Variants in PAPSS1 observed in about 807,000 individuals in gnomAD.
PAPSS1 encodes the protein 3'-phosphoadenosine 5'-phosphosulfate synthase 1, also known as bifunctional 3'-phosphoadenosine 5'-phosphosulfate synthase 1.
A neutral mutation model predicts 72.0 loss-of-function variants in PAPSS1; 50 were observed. The ratio of observed to expected loss-of-function variants is 0.69; its 90% CI spans 0.55 to 0.88. The LOEUF (loss-of-function observed/expected upper bound fraction) is 0.88. PAPSS1 is among the 40% of genes least tolerant of loss of function. The pLI, the probability that PAPSS1 is intolerant of heterozygous loss-of-function variation, is 0.00. For missense variants in PAPSS1, 657 were observed against 782.2 expected (o/e 0.84, Z 1.91); for synonymous variants, 261 against 263.6 (o/e 0.99, Z 0.09).
intron 7 of PAPSS1, 57 bp downstream of exon 7, chr4:107,656,838 TG>T (rs1005863418): frequency 2.3e-5 from 28 of 1,197,972 alleles, no homozygotes; most frequent in Non-Finnish European, 3.5e-5. Flanking sequence ...GACAAATCTC[TG>T]CAACTATGTA....
intron 10 of PAPSS1, among the ~76,000 whole-genome samples, chr4:107,644,195 C>T (rs1473362694): frequency 6.6e-6 from 1 of 152,188 alleles, no homozygotes; most frequent in Non-Finnish European, 1.5e-5. Context: ...GGACACACTA[C>T]TCCAAAATAT....
chr4:107,680,013 A>G (rs1313197203), intron 5 of PAPSS1, among the ~76,000 whole-genome samples: 1 of 152,182 alleles, frequency 6.6e-6, no homozygotes, highest in Non-Finnish European at 1.5e-5. Flanking sequence ...AAAATCAGAA[A>G]TTATCAAAGC....
At position 107,614,343 on chromosome 4, in the gene PAPSS1, A is replaced by C. The variant is rs755387846; in HGVS notation, c.1781T>G (p.Leu594Arg). ...AGGTGGTTTCTGGCCTTCTCGAGCA[A>C]GTTTGCGCATTCGTGTTCCTGAAAT... is the stretch of plus-strand genomic sequence containing the variant. ...EFISGTRMRK[L>R]AREGQKPPEG... Residue 594 changes from leucine to arginine, a missense_variant, in exon 12 of 12, where the codon CTT becomes CGT. By Grantham distance (102) the Leu-to-Arg change is moderately radical. Around this residue, in one of 7 missense-constraint regions of PAPSS1, gnomAD observed 103 missense variants for 93.8 expected, o/e 1.10. Coordinates refer to ENST00000265174, the MANE Select transcript of PAPSS1 (RefSeq NM_005443.5). 6.8e-6 allele frequency: 11 copies of C among 1,613,994 alleles called. No homozygotes were observed. In the South Asian group the frequency reaches 1.2e-4, roughly 18 times the overall value.
intron 10 of PAPSS1, among the ~76,000 whole-genome samples, chr4:107,634,249 G>A (rs1726300573): frequency 1.3e-5 from 2 of 151,946 alleles, no homozygotes; most frequent in Non-Finnish European, 2.9e-5. Context: ...CTCCCGTGCT[G>A]AAATGACCCT....
chr4:107,678,024 C>T (rs1727703004), intron 5 of PAPSS1, among the ~76,000 whole-genome samples: 2 of 152,022 alleles, frequency 1.3e-5, no homozygotes, highest in Middle Eastern at 3.4e-3. Flanking sequence ...CATCACACAC[C>T]GGGGCCTGTT....
chr4:107,641,116 C>T (rs1038918415), intron 10 of PAPSS1, among the ~76,000 whole-genome samples: 1 of 152,232 alleles, frequency 6.6e-6, no homozygotes, highest in African/African-American at 2.4e-5. Context: ...TAAGCCTTGA[C>T]CTTCAGTGTC....
chr4:107,639,522 G>A (rs1299239175), intron 10 of PAPSS1, among the ~76,000 whole-genome samples: 2 of 152,068 alleles, frequency 1.3e-5, no homozygotes, highest in Non-Finnish European at 2.9e-5. Flanking sequence ...TTTAATATGG[G>A]GGTACCATCC....
Position 107,706,198 on chromosome 4 carries a change from A to G in PAPSS1, c.61-4913T>C, listed in dbSNP as rs1483493196. On this transcript the variant is annotated intron_variant, in intron 1 of 11. Coordinates refer to ENST00000265174, the MANE Select transcript of PAPSS1 (RefSeq NM_005443.5). ...TATTTATACCTTTCCCCAGATTTGGAAAGTTTTCTGTTGTTATTTAAATAA... is the reference window on the plus strand; with the variant it reads ...TATTTATACCTTTCCCCAGATTTGGGAAGTTTTCTGTTGTTATTTAAATAA... Among the ~76,000 whole-genome samples, 4 of 152,216 alleles carry G rather than the reference A, an allele frequency of 2.6e-5. No individual in the cohort carries two copies. The East Asian group carries it at 7.7e-4, about 29-fold the overall frequency.
rs190592871 is a variant in PAPSS1, at chr4:107,716,049, T to C, written c.60+4071A>G. On this transcript the variant is annotated intron_variant, in intron 1 of 11. Coordinates refer to ENST00000265174, the MANE Select transcript of PAPSS1 (RefSeq NM_005443.5). The stretch of plus-strand genomic sequence containing the variant: ...TACTTAAGCTTTTGTAAGATACTAA[T>C]GAATTATCTAAGGATTTCAATATCA... 1.2e-3 allele frequency among the ~76,000 whole-genome samples: 182 copies of C among 152,358 alleles called. 1 individual carries two copies. The highest frequency in any genetic ancestry group is 2.0e-3 in the Non-Finnish European group (137 of 68,030).
chr4:107,677,083 T>C (rs1727672448), intron 5 of PAPSS1, among the ~76,000 whole-genome samples: 1 of 152,152 alleles, frequency 6.6e-6, no homozygotes, highest in Admixed American at 6.5e-5. Context: ...ATAAAAACCC[T>C]AGAAGAAAAC....
In PAPSS1 at chr4:107,656,902, G is replaced by A; in HGVS notation, c.889C>T (p.Leu297=). 1 of 1,579,744 alleles carries A rather than the reference G, an allele frequency of 6.3e-7. No homozygotes were observed. Among genetic ancestry groups the A allele is most frequent in the Non-Finnish European group, 8.7e-7 (1 of 1,148,720 alleles). ...YLQCLHFDCL[L]DGGVINLSVP... ...TGAATGTAAAATGTCTTACCATCCA[G>A]AAGACAATCAAAATGAAGGCACTGC... Residue 297 remains leucine, a synonymous_variant, in exon 7 of 12, where the codon CTG becomes TTG. Transcript: ENST00000265174.
chr4:107,703,916 T>C (rs1723271853), intron 1 of PAPSS1, among the ~76,000 whole-genome samples: 1 of 152,248 alleles, frequency 6.6e-6, no homozygotes, highest in African/African-American at 2.4e-5. Flanking sequence ...GGGATTGCAT[T>C]GAATCTGTAG....
intron 11 of PAPSS1, among the ~76,000 whole-genome samples, chr4:107,624,764 G>A (rs1726050784): frequency 6.6e-6 from 1 of 152,180 alleles, no homozygotes; most frequent in Non-Finnish European, 1.5e-5. Context: ...AATACAGGAT[G>A]AGACTCATTG....
At chr4:107,672,374 C>T (rs773276303) in intron 5 of PAPSS1, among the ~76,000 whole-genome samples, 8 of 152,180 alleles carry the variant, frequency 5.3e-5, no homozygotes, top group African/African-American at 1.9e-4. Flanking sequence ...ACCCTAATGC[C>T]GCACTTTTCC....
intron 11 of PAPSS1, among the ~76,000 whole-genome samples, chr4:107,628,562 T>C (rs1322160327): frequency 6.6e-6 from 1 of 152,206 alleles, no homozygotes; most frequent in Non-Finnish European, 1.5e-5. Context: ...AATTAGCACA[T>C]GTCAGTAGAG....
chr4:107,616,080 T>G (rs371425637), intron 11 of PAPSS1, among the ~76,000 whole-genome samples: 6 of 149,804 alleles, frequency 4.0e-5, no homozygotes, highest in Admixed American at 1.3e-4. Context: ...TTTTAGAAAA[T>G]AGAGAGAGAG....
intron 1 of PAPSS1, among the ~76,000 whole-genome samples, chr4:107,719,475 A>T (rs1723720258): frequency 6.6e-6 from 1 of 152,214 alleles, no homozygotes. Flanking sequence ...CCCATACCTG[A>T]CTGTCACCAG....
intron 1 of PAPSS1, among the ~76,000 whole-genome samples, chr4:107,712,878 GA>G (rs11380474): frequency 5.7e-5 from 8 of 140,160 alleles, no homozygotes; most frequent in African/African-American, 1.1e-4. Context: ...TCTCGGGAAA[GA>G]AAAAAAAAAA....
intron 1 of PAPSS1, among the ~76,000 whole-genome samples, chr4:107,715,097 G>T (rs1344509661): frequency 6.6e-6 from 1 of 152,164 alleles, no homozygotes; most frequent in Non-Finnish European, 1.5e-5. Context: ...TTCCTGAGAT[G>T]ATGAAAATGT....
Sources: gnomAD v4.1 joint callset for allele counts (sites outside exome capture counted in the v4.1 genomes callset) on GRCh38, gnomAD v4.1.1 for gene constraint, gnomAD v4.1.1 regional missense constraint, MANE v1.5 for transcripts, NCBI Gene and HGNC (gene_info 2026-07-23, HGNC 2026-07-21) for gene names.